Variants in GBE1 observed in about 807,000 individuals in gnomAD.
The protein encoded by GBE1 is 1,4-alpha-glucan branching enzyme 1.
Under a neutral mutation model 88.8 loss-of-function variants are expected in GBE1, and 70 were observed. The observed-to-expected ratio is 0.79, with a 90% confidence interval of 0.65 to 0.96. The LOEUF (loss-of-function observed/expected upper bound fraction) is 0.96, where lower values mean the gene tolerates loss of function less well. GBE1 is among the 40% of genes least tolerant of loss of function. The pLI is 0.00. For missense variants in GBE1, 872 were observed against 871.0 expected, an observed-to-expected ratio of 1.00 and a Z score of -0.01; for synonymous variants, 284 against 300.1, an observed-to-expected ratio of 0.95 and a Z score of 0.56.
chr3:81,536,787 GGACACTA>G, intron 13 of GBE1, 117 bp downstream of exon 13: 1 of 676,702 alleles, frequency 1.5e-6, no homozygotes. Context: ...GTATGGTACA[GGACACTA>G]GACACTGAAT....
At chr3:81,527,326 T>C (rs1355947133) in intron 14 of GBE1, among the ~76,000 whole-genome samples, 1 of 152,176 alleles carries the variant, frequency 6.6e-6, no homozygotes, top group South Asian at 2.1e-4. Flanking sequence ...ACTTCATGTC[T>C]AAAACACCAA....
intron 1 of GBE1, among the ~76,000 whole-genome samples, chr3:81,714,519 AAT>A (rs922709468): frequency 2.0e-5 from 3 of 152,206 alleles, no homozygotes; most frequent in African/African-American, 7.2e-5. Flanking sequence ...CAGAAAAATT[AAT>A]AGACTATTAG....
chr3:81,612,127 T>C, intron 7 of GBE1: 1 of 291,810 alleles, frequency 3.4e-6, no homozygotes, highest in Non-Finnish European at 6.4e-6. Context: ...TTAGAACTTT[T>C]TAGGCAGGAA....
At chr3:81,583,250 G>A (rs1703758455) in intron 10 of GBE1, among the ~76,000 whole-genome samples, 1 of 152,080 alleles carries the variant, frequency 6.6e-6, no homozygotes, top group Non-Finnish European at 1.5e-5. Flanking sequence ...ATAGAGGCAG[G>A]TCTCTCAAAC....
At chr3:81,717,803 C>A (rs1158130047) in intron 1 of GBE1, among the ~76,000 whole-genome samples, 1 of 151,866 alleles carries the variant, frequency 6.6e-6, no homozygotes, top group Non-Finnish European at 1.5e-5. Flanking sequence ...AAAAATGTAC[C>A]CCAACACAAA....
At chr3:81,642,578 T>A in intron 7 of GBE1, 1 of 490,334 alleles carries the variant, frequency 2.0e-6, no homozygotes, top group South Asian at 2.9e-5. Context: ...GCGTAAGATA[T>A]GTAAAATTGA....
intron 14 of GBE1, among the ~76,000 whole-genome samples, chr3:81,505,864 A>C (rs556802097): frequency 6.6e-6 from 1 of 152,198 alleles, no homozygotes; most frequent in Non-Finnish European, 1.5e-5. Context: ...CAGTTCTGCT[A>C]GCTAGCCATT....
chr3:81,507,864 A>C (rs1702675063), intron 14 of GBE1, among the ~76,000 whole-genome samples: 1 of 152,156 alleles, frequency 6.6e-6, no homozygotes, highest in South Asian at 2.1e-4. Flanking sequence ...GCATATTTCT[A>C]TTATAGTCTA....
chr3:81,744,184 C>T (rs187806638), intron 1 of GBE1, among the ~76,000 whole-genome samples: 2 of 152,168 alleles, frequency 1.3e-5, no homozygotes, highest in Admixed American at 6.5e-5. Context: ...TATTATTAAG[C>T]ACTTGAAATA....
At chr3:81,691,798 T>A (rs909883148) in intron 2 of GBE1, among the ~76,000 whole-genome samples, 3 of 152,110 alleles carry the variant, frequency 2.0e-5, no homozygotes, top group African/African-American at 4.8e-5. Context: ...ATTAATTTTT[T>A]AAATAAAATA....
intron 7 of GBE1, among the ~76,000 whole-genome samples, chr3:81,633,122 C>T (rs956026210): frequency 3.3e-5 from 5 of 152,016 alleles, no homozygotes; most frequent in Admixed American, 1.3e-4. Flanking sequence ...CATGGTTTGG[C>T]TCATGAAAAA....
chr3:81,749,704 T>C (rs1706468907), intron 1 of GBE1, among the ~76,000 whole-genome samples: 1 of 152,194 alleles, frequency 6.6e-6, no homozygotes, highest in Admixed American at 6.5e-5. Flanking sequence ...ATGCAAGATA[T>C]TACCACTGCA....
chr3:81,705,469 T>G lies in GBE1; in HGVS notation c.288A>C (p.Glu96Asp). ...LYCKEWAPGA[E>D]GVFLTGDFNG... ...TAAAATCTCCAGTAAGAAAAACTCC[T>G]TCTGCTCCCGGGGCCCATTCTTTGC... is the stretch of plus-strand genomic sequence containing the variant. Residue 96 changes from glutamate to aspartate, a missense_variant, in exon 2 of 16, where the codon GAA (glutamate) becomes GAC (aspartate). Glu to Asp is a conservative substitution (Grantham distance 45, BLOSUM62 2). Coordinates refer to ENST00000429644, the MANE Select transcript of GBE1 (RefSeq NM_000158.4). 1 of 1,596,408 alleles carries G rather than the reference T, an allele frequency of 6.3e-7. No homozygotes were observed. Among genetic ancestry groups the G allele is most frequent in the Non-Finnish European group, 8.5e-7 (1 of 1,172,596 alleles).
chr3:81,751,464 A>T (rs537070374), intron 1 of GBE1, among the ~76,000 whole-genome samples: 1 of 152,224 alleles, frequency 6.6e-6, no homozygotes, highest in Non-Finnish European at 1.5e-5. Context: ...GACAATTCTG[A>T]TCAATAACCT....
At chr3:81,574,589 A>G (rs987523505) in intron 12 of GBE1, among the ~76,000 whole-genome samples, 1 of 152,162 alleles carries the variant, frequency 6.6e-6, no homozygotes, top group African/African-American at 2.4e-5. Flanking sequence ...TAATCTAGAT[A>G]CTGATCTCAG....
chr3:81,749,525 G>A (rs1259477512), intron 1 of GBE1, among the ~76,000 whole-genome samples: 1 of 152,186 alleles, frequency 6.6e-6, no homozygotes, highest in Non-Finnish European at 1.5e-5. Context: ...TGATGTAACA[G>A]TTCTATATCT....
intron 1 of GBE1, among the ~76,000 whole-genome samples, chr3:81,717,084 T>C (rs1227088380): frequency 6.6e-6 from 1 of 152,212 alleles, no homozygotes; most frequent in Non-Finnish European, 1.5e-5. Flanking sequence ...TGCTACATGC[T>C]CTGCTGATTA....
intron 7 of GBE1, among the ~76,000 whole-genome samples, chr3:81,608,853 A>G (rs1230541677): frequency 1.3e-5 from 2 of 152,166 alleles, no homozygotes; most frequent in Non-Finnish European, 2.9e-5. Flanking sequence ...TATCCAGCTG[A>G]GTCTGAGAGT....
intron 5 of GBE1, 73 bp downstream of exon 5, chr3:81,648,783 G>A: frequency 1.1e-6 from 1 of 870,144 alleles, no homozygotes; most frequent in Non-Finnish European, 1.7e-6. Context: ...AGAGACACTT[G>A]TAATTAGCTT....
Sources: gnomAD v4.1 joint callset for allele counts (sites outside exome capture counted in the v4.1 genomes callset) on GRCh38, gnomAD v4.1.1 for gene constraint, MANE v1.5 for transcripts, NCBI Gene and HGNC (gene_info 2026-07-23, HGNC 2026-07-21) for gene names.